Variants in DLG2 observed in about 807,000 individuals in gnomAD.
The protein encoded by DLG2 is disks large homolog 2.
In DLG2, 45 loss-of-function variants were observed where a neutral mutation model predicts 132.5. The ratio of observed to expected loss-of-function variants is 0.34; its 90% CI spans 0.27 to 0.44. The LOEUF is 0.44. DLG2 is among the 20% of genes least tolerant of loss of function. DLG2 has a pLI of 1.00. For missense variants in DLG2, 1,045 were observed against 1,196.9 expected (o/e 0.87, Z 1.87); for synonymous variants, 424 against 419.6 (o/e 1.01, Z -0.13).
At chr11:84,321,590 T>C (rs1240960256) in intron 7 of DLG2, among the ~76,000 whole-genome samples, 1 of 152,162 alleles carries the variant, frequency 6.6e-6, no homozygotes, top group Admixed American at 6.5e-5. Flanking sequence ...CTTGTGGCCA[T>C]GGAGGATGTT....
At chr11:83,580,509 G>A (rs1163278981) in intron 19 of DLG2, among the ~76,000 whole-genome samples, 1 of 152,060 alleles carries the variant, frequency 6.6e-6, no homozygotes, top group Non-Finnish European at 1.5e-5. Flanking sequence ...TCCTACCAAG[G>A]AAAGATATAC....
chr11:85,542,525 C>T (rs941344931), intron 3 of DLG2, among the ~76,000 whole-genome samples: 1 of 151,988 alleles, frequency 6.6e-6, no homozygotes, highest in Non-Finnish European at 1.5e-5. Context: ...TAATAGATAC[C>T]ATATCTTCAA....
intron 7 of DLG2, among the ~76,000 whole-genome samples, chr11:84,425,819 G>C (rs560026594): frequency 6.6e-6 from 1 of 152,142 alleles, no homozygotes; most frequent in East Asian, 1.9e-4. Flanking sequence ...CTAGAGCAGA[G>C]GTAATAAAAA....
Position 84,112,438 on chromosome 11 carries a change from T to C in DLG2, c.625-13391A>G, listed in dbSNP as rs115071652. On this transcript the variant is annotated intron_variant, in intron 9 of 27. Coordinates refer to ENST00000376104, the MANE Select transcript of DLG2 (RefSeq NM_001142699.3). ...TTAGATGTTCCTGCTGTTTTTTTTC[T>C]ATTCCAAATCTTTAAAAACTTCTAA... Among the ~76,000 whole-genome samples the C allele has an allele frequency of 7.9e-3, 1,200 of 151,332 alleles. 18 individuals carry two copies. The highest frequency in any genetic ancestry group is 0.028 in the African/African-American group (1,144 of 41,362).
At position 84,202,396 on chromosome 11, in the gene DLG2, G is replaced by T. The variant is rs111339468; in HGVS notation, c.574-38885C>A. ...GATTCTCTATTTAATACATGGTTCT[G>T]GGAGAACTGGCTAGCCATATGCAGA... On this transcript the variant is annotated intron_variant, in intron 8 of 27. Coordinates refer to ENST00000376104, the MANE Select transcript of DLG2 (RefSeq NM_001142699.3). Among the ~76,000 whole-genome samples, 354 of 152,266 alleles carry T rather than the reference G, an allele frequency of 2.3e-3. 1 individual carries two copies. The highest frequency in any genetic ancestry group is 8.0e-3 in the African/African-American group (331 of 41,556).
intron 6 of DLG2, among the ~76,000 whole-genome samples, chr11:84,960,682 AC>A (rs1447736421): frequency 6.6e-6 from 1 of 151,924 alleles, no homozygotes; most frequent in Non-Finnish European, 1.5e-5. Flanking sequence ...CAGGCAATCC[AC>A]CCGCCTTGGC....
intron 3 of DLG2, among the ~76,000 whole-genome samples, chr11:85,419,651 T>C (rs1413910374): frequency 6.6e-6 from 1 of 152,202 alleles, no homozygotes; most frequent in Non-Finnish European, 1.5e-5. Context: ...ATTTCTCTAA[T>C]CTTGTCTGCA....
chr11:84,426,807 A>G lies in DLG2; in HGVS notation c.519+107763T>C, dbSNP rs2098968060. On this transcript the variant is annotated intron_variant, in intron 7 of 27. Transcript: ENST00000376104. ...TACTTCCTTTCAAAGGAGAAGTGAT[A>G]TGTCTTAACTGGCACTCACGAAACA... 2.0e-5 allele frequency among the ~76,000 whole-genome samples: 3 copies of G among 152,276 alleles called. No individual in the cohort carries two copies. The South Asian group carries it at 6.2e-4, about 32-fold the overall frequency.
chr11:84,889,127 T>G (rs1225064113), intron 6 of DLG2, among the ~76,000 whole-genome samples: 1 of 152,026 alleles, frequency 6.6e-6, no homozygotes, highest in East Asian at 1.9e-4. Context: ...TTACAGATAT[T>G]TATTTAGACC....
intron 18 of DLG2, chr11:83,643,775 A>T (rs777179439): frequency 2.6e-5 from 4 of 152,116 alleles, no homozygotes; most frequent in Non-Finnish European, 5.9e-5. Flanking sequence ...GAGGCTAGTC[A>T]ATTTATCCAA....
intron 3 of DLG2, among the ~76,000 whole-genome samples, chr11:85,521,460 A>G (rs1374580796): frequency 6.6e-6 from 1 of 152,242 alleles, no homozygotes; most frequent in Admixed American, 6.5e-5. Context: ...ACCCAGTCCC[A>G]GGCGGTTCTT....
intron 19 of DLG2, among the ~76,000 whole-genome samples, chr11:83,628,593 T>C (rs1454070277): frequency 6.6e-6 from 1 of 152,188 alleles, no homozygotes; most frequent in Non-Finnish European, 1.5e-5. Flanking sequence ...GGATAATACA[T>C]GTAAAACAAT....
chr11:83,936,712 G>C (rs114091905), intron 14 of DLG2, among the ~76,000 whole-genome samples: 1,796 of 152,200 alleles, frequency 0.012, 31 homozygotes, highest in African/African-American at 0.041. Context: ...AAAAGTGTTT[G>C]GGTTTCAACA....
At chr11:83,609,765 G>C (rs903054376) in intron 19 of DLG2, among the ~76,000 whole-genome samples, 1 of 152,026 alleles carries the variant, frequency 6.6e-6, no homozygotes, top group African/African-American at 2.4e-5. Flanking sequence ...TGCTGGAAAA[G>C]TTTGCTCCTA....
At chr11:83,547,170 T>C (rs2096263473) in intron 19 of DLG2, among the ~76,000 whole-genome samples, 1 of 152,110 alleles carries the variant, frequency 6.6e-6, no homozygotes, top group Non-Finnish European at 1.5e-5. Context: ...AAAGCTAGGA[T>C]AGCAGCGAAT....
Position 85,473,526 on chromosome 11 carries a change from G to A in DLG2, c.40+125131C>T, listed in dbSNP as rs73503539. On this transcript the variant is annotated intron_variant, in intron 3 of 27. Coordinates refer to ENST00000376104, the MANE Select transcript of DLG2 (RefSeq NM_001142699.3). ...AAACATTGAACATGAAGAGACCAGA[G>A]TGAAGAAATAAATTAGCAAATATGA... Among the ~76,000 whole-genome samples the A allele has an allele frequency of 6.8e-3, 1,042 of 152,154 alleles. 12 individuals carry two copies. Among genetic ancestry groups the A allele is most frequent in the African/African-American group, 0.023 (972 of 41,488 alleles).
intron 3 of DLG2, among the ~76,000 whole-genome samples, chr11:85,536,934 G>A (rs1359695579): frequency 1.3e-5 from 2 of 152,206 alleles, no homozygotes; most frequent in African/African-American, 4.8e-5. Flanking sequence ...GAGAGGTGAA[G>A]CTGATTGGGC....
chr11:84,704,243 C>A (rs972798917), intron 6 of DLG2, among the ~76,000 whole-genome samples: 6 of 151,472 alleles, frequency 4.0e-5, no homozygotes, highest in Non-Finnish European at 3.0e-5. Flanking sequence ...CTATGACACT[C>A]TATGTTCACA....
intron 14 of DLG2, among the ~76,000 whole-genome samples, chr11:83,942,099 C>T (rs2082783565): frequency 6.6e-6 from 1 of 151,992 alleles, no homozygotes; most frequent in African/African-American, 2.4e-5. Context: ...TAGAAGCAAA[C>T]CACTGGAAAA....
Sources: gnomAD v4.1 joint callset for allele counts (sites outside exome capture counted in the v4.1 genomes callset) on GRCh38, gnomAD v4.1.1 for gene constraint, MANE v1.5 for transcripts, NCBI Gene and HGNC (gene_info 2026-07-23, HGNC 2026-07-21) for gene names.